CHM: variants seen among roughly 807,000 people sequenced by gnomAD.
CHM encodes the protein rab proteins geranylgeranyltransferase component A 1.
Under a neutral mutation model 49.0 loss-of-function variants are expected in CHM, and 10 were observed. The observed-to-expected ratio is 0.20, with a 90% CI of 0.13 to 0.35. The LOEUF is 0.35. Among genes scored for constraint, CHM ranks in the 10% least tolerant of loss-of-function variants. The probability of loss-of-function intolerance (pLI) is 1.00; values close to 1 mark genes in which losing one functional copy is unlikely to be tolerated. For synonymous variants in CHM, 184 were observed against 167.5 expected, an observed-to-expected ratio of 1.10 and a Z score of -0.76; for missense variants, 455 against 478.4, an observed-to-expected ratio of 0.95 and a Z score of 0.46.
At chrX:85,865,024 T>C (rs1397175009) in intron 14 of CHM, among the ~76,000 whole-genome samples, 5 of 111,955 alleles carry the variant, frequency 4.5e-5, no homozygotes, top group Non-Finnish European at 9.4e-5. Flanking sequence ...ATACATGTAT[T>C]GAGGTCCACT....
chrX:85,869,249 C>T (rs553239928), intron 14 of CHM, among the ~76,000 whole-genome samples: 1 of 111,848 alleles, frequency 8.9e-6, no homozygotes. Context: ...TTTTAGTCAA[C>T]TCTGGATCCT....
intron 8 of CHM, among the ~76,000 whole-genome samples, chrX:85,934,250 A>G (rs1415706065): frequency 7.8e-5 from 8 of 102,532 alleles, no homozygotes; most frequent in South Asian, 9.8e-4. Flanking sequence ...AAAGTGCTGG[A>G]ATTACAGGCA....
At chrX:85,994,092 C>T (rs976467756) in intron 2 of CHM, among the ~76,000 whole-genome samples, 1 of 111,850 alleles carries the variant, frequency 8.9e-6, no homozygotes, top group African/African-American at 3.3e-5. Context: ...GGAATTATTA[C>T]GATTAATGCA....
chrX:86,002,477 G>C (rs774084692), intron 2 of CHM, among the ~76,000 whole-genome samples: 310 of 112,219 alleles, frequency 2.8e-3, no homozygotes, highest in African/African-American at 9.6e-3. Flanking sequence ...GCAGCTCCCA[G>C]TGTGATCAAC....
chrX:85,900,791 C>T (rs41300187), intron 10 of CHM, 82 bp from the exon 11 acceptor site: 59 of 710,376 alleles, frequency 8.3e-5, no homozygotes, highest in Admixed American at 3.3e-4. Context: ...CCAGAAGGCA[C>T]GTTTCAAAGA....
At chrX:85,928,407 G>C (rs1403845633) in intron 8 of CHM, among the ~76,000 whole-genome samples, 1 of 110,468 alleles carries the variant, frequency 9.1e-6, no homozygotes, top group Non-Finnish European at 1.9e-5. Context: ...GCTGGGCATG[G>C]TGGCGGGCGC....
In CHM at chrX:85,912,068, C is replaced by A. The variant is rs1569503; in HGVS notation, c.1167-730G>T. Reference sequence around the variant, plus strand: ...AAGAGGGAGAAAACAAGCAAAAAAACCCATTTTTCTTTGGGTGGATCCCTG... The same window carrying A: ...AAGAGGGAGAAAACAAGCAAAAAAAACCATTTTTCTTTGGGTGGATCCCTG... On this transcript the variant is annotated intron_variant, in intron 8 of 14. Transcript: ENST00000357749. 4.0e-4 allele frequency among the ~76,000 whole-genome samples: 40 copies of A among 99,367 alleles called. 1 individual carries two copies. The highest frequency in any genetic ancestry group is 3.2e-3 in the Admixed American group (30 of 9,341). The allele number at this position is 99,367 out of a possible 115,157, so 86.3% of individuals were successfully genotyped here. A position where few individuals can be genotyped will look rare whatever the true frequency, so the allele number is the denominator to read the frequency against.
At chrX:85,984,301 T>C (rs1191983829) in intron 2 of CHM, among the ~76,000 whole-genome samples, 1 of 111,657 alleles carries the variant, frequency 9.0e-6, no homozygotes, top group African/African-American at 3.3e-5. Flanking sequence ...AAGGTAAAAA[T>C]GGGCAAAGGG....
intron 12 of CHM, among the ~76,000 whole-genome samples, chrX:85,881,100 T>A (rs1010036784): frequency 8.9e-6 from 1 of 112,059 alleles, no homozygotes; most frequent in Non-Finnish European, 1.9e-5. Context: ...AGAGTGGGTA[T>A]TCAATAAATG....
intron 8 of CHM, among the ~76,000 whole-genome samples, chrX:85,934,028 T>C (rs1380131861): frequency 1.8e-5 from 2 of 108,745 alleles, no homozygotes; most frequent in Non-Finnish European, 3.8e-5. Context: ...TTGCCCAGGC[T>C]GGAGTGCAGT....
At chrX:85,919,515 A>G (rs1323228260) in intron 8 of CHM, among the ~76,000 whole-genome samples, 2 of 111,180 alleles carry the variant, frequency 1.8e-5, no homozygotes, top group African/African-American at 3.3e-5. Flanking sequence ...AGGGACATCT[A>G]TAACTACTTA....
intron 2 of CHM, among the ~76,000 whole-genome samples, chrX:86,010,199 TA>T (rs1361837731): frequency 3.0e-3 from 23 of 7,756 alleles, no homozygotes; most frequent in African/African-American, 0.012. Flanking sequence ...GGTGGGGGGG[TA>T]GGGGGGTGGG....
intron 8 of CHM, among the ~76,000 whole-genome samples, chrX:85,927,675 G>GAGTAT (rs1363257624): frequency 2.7e-5 from 3 of 111,801 alleles, no homozygotes; most frequent in African/African-American, 9.7e-5. Flanking sequence ...AACTCTAATT[G>GAGTAT]AGTATATTAT....
rs1320894976 is a variant in CHM at position 85,862,920 on chromosome X, T to C, written c.*1710A>G. On this transcript the variant is annotated 3_prime_UTR_variant, in exon 15 of 15. Transcript: ENST00000357749. ...AGCCATGGCTTCCTGACAGACAATA[T>C]AGGCCAGATGTTGTGAGAAAAAAAA... is the stretch of plus-strand genomic sequence containing the variant. 1.8e-5 allele frequency: 2 copies of C among 111,114 alleles called. No homozygotes were observed. The highest frequency in any genetic ancestry group is 1.9e-4 in the Admixed American group (2 of 10,403). The allele number at this position is 111,114 out of a possible 1,213,427, so 9.2% of individuals were successfully genotyped here. A position where few individuals can be genotyped will look rare whatever the true frequency, so the allele number is the denominator to read the frequency against.
At position 85,942,766 on chromosome X, in the gene CHM, T is replaced by TA. The variant is rs1166439634; in HGVS notation, c.1166+13386_1166+13387insT. Among the ~76,000 whole-genome samples the TA allele has an allele frequency of 1.2e-3, 129 of 107,964 alleles. 1 individual carries two copies. The highest frequency in any genetic ancestry group is 2.5e-3 in the Admixed American group (25 of 10,053). 93.8% of individuals were successfully genotyped at this position (107,964 alleles called of 115,157 possible). On this transcript the variant is annotated intron_variant, in intron 8 of 14. Coordinates refer to ENST00000357749, the MANE Select transcript of CHM (RefSeq NM_000390.4). ...CAGGTCAATGTTTTCTTTTTTTTTT[T>TA]TATATATATATACTTTAAGTTTTAG...
intron 14 of CHM, among the ~76,000 whole-genome samples, chrX:85,867,291 C>G (rs1362669677): frequency 1.8e-5 from 2 of 111,731 alleles, no homozygotes; most frequent in Admixed American, 1.9e-4. Context: ...TCTTTGCTCT[C>G]CTGCCGCCAT....
At chrX:85,995,210 T>G (rs1291448931) in intron 2 of CHM, among the ~76,000 whole-genome samples, 1 of 105,890 alleles carries the variant, frequency 9.4e-6, no homozygotes, top group African/African-American at 3.5e-5. Flanking sequence ...TTTTAAATAT[T>G]TTTCCCATTC....
At chrX:85,993,839 T>TA (rs763975131) in intron 2 of CHM, among the ~76,000 whole-genome samples, 4 of 111,551 alleles carry the variant, frequency 3.6e-5, no homozygotes, top group East Asian at 5.7e-4. Context: ...ATGGAACTAG[T>TA]AAAAAAAGAC....
chrX:86,044,538 T>A (rs1934586981), intron 1 of CHM, among the ~76,000 whole-genome samples: 1 of 112,115 alleles, frequency 8.9e-6, no homozygotes, highest in Non-Finnish European at 1.9e-5. Context: ...TCTTGACTGC[T>A]CTTCTGTTGA....
Sources: allele counts gnomAD v4.1 joint callset (sites outside exome capture counted in the v4.1 genomes callset), GRCh38; gene constraint gnomAD v4.1.1; transcripts MANE v1.5; gene names NCBI Gene and HGNC (gene_info 2026-07-23, HGNC 2026-07-21).